ESYT2: variants seen among roughly 807,000 people sequenced by gnomAD.
ESYT2 encodes extended synaptotagmin-2.
In ESYT2, 54 loss-of-function variants were observed where a neutral mutation model predicts 107.2. That is an observed-to-expected ratio of 0.50 (90% CI 0.40 to 0.63). The LOEUF (loss-of-function observed/expected upper bound fraction) is 0.63. ESYT2 is among the 30% of genes least tolerant of loss of function. ESYT2 has a pLI of 0.00. For missense variants in ESYT2, 1,020 were observed against 1,094.5 expected, an observed-to-expected ratio of 0.93 and a Z score of 0.96; for synonymous variants, 491 against 434.1, an observed-to-expected ratio of 1.13 and a Z score of -1.63.
Position 158,732,556 on chromosome 7 carries a change from G to A in ESYT2, c.*1651C>T, listed in dbSNP as rs1019105094. 6.6e-5 allele frequency: 10 copies of A among 152,414 alleles called. No individual in the cohort carries two copies. Among genetic ancestry groups the A allele is most frequent in the African/African-American group, 2.4e-4 (10 of 41,460 alleles). 9.4% of individuals were successfully genotyped at this position (152,414 alleles called of 1,614,324 possible). On this transcript the variant is annotated 3_prime_UTR_variant, in exon 23 of 23. Transcript: ENST00000275418. ...TATAAGTAAACCCATGGTTCAAAGT[G>A]TAAGTTATAAATTGAAACAAAATCA...
intron 1 of ESYT2, among the ~76,000 whole-genome samples, chr7:158,806,783 A>G (rs952848250): frequency 6.6e-6 from 1 of 152,222 alleles, no homozygotes; most frequent in Non-Finnish European, 1.5e-5. Flanking sequence ...AATGAGTCCA[A>G]GAATAGGAAA....
chr7:158,746,384 C>T (rs961364202), intron 16 of ESYT2, among the ~76,000 whole-genome samples: 1 of 152,000 alleles, frequency 6.6e-6, no homozygotes, highest in Non-Finnish European at 1.5e-5. Context: ...GTGGTGTGCA[C>T]CTCTAGTCCC....
At chr7:158,793,167 G>A (rs532956358) in intron 4 of ESYT2, among the ~76,000 whole-genome samples, 2 of 152,062 alleles carry the variant, frequency 1.3e-5, no homozygotes, top group Admixed American at 6.6e-5. Context: ...ATCATGAAAG[G>A]GTATTGAATT....
chr7:158,732,080 C>G lies in ESYT2; in HGVS notation c.*2127G>C, dbSNP rs3763407. 4.6e-5 allele frequency: 7 copies of G among 152,360 alleles called. No individual in the cohort carries two copies. In the East Asian group the frequency reaches 1.4e-3, roughly 29 times the overall value. 9.4% of individuals were successfully genotyped at this position (152,360 alleles called of 1,614,324 possible). On this transcript the variant is annotated 3_prime_UTR_variant, in exon 23 of 23. Transcript: ENST00000275418. ...CTGGGCTTTGTACCTTTAATTGTGT[C>G]TACTCTGCCTAAGTGCTTAAATAAA...
chr7:158,798,896 TG>T (rs879524153), intron 2 of ESYT2, 134 bp downstream of exon 2: 185 of 730,100 alleles, frequency 2.5e-4, no homozygotes, highest in Non-Finnish European at 3.8e-4. Context: ...CTGAGGTCTT[TG>T]GGGACCAGAA....
intron 3 of ESYT2, among the ~76,000 whole-genome samples, chr7:158,794,009 A>G (rs1193953793): frequency 2.6e-5 from 4 of 152,266 alleles, no homozygotes; most frequent in Non-Finnish European, 5.9e-5. Flanking sequence ...CCTTGCCCAC[A>G]GCAGTTAATA....
At chr7:158,808,565 C>T (rs555622978) in intron 1 of ESYT2, among the ~76,000 whole-genome samples, 7 of 152,280 alleles carry the variant, frequency 4.6e-5, no homozygotes, top group African/African-American at 1.2e-4. Flanking sequence ...GATGTAAGAA[C>T]GAATCTTCCA....
intron 1 of ESYT2, among the ~76,000 whole-genome samples, chr7:158,822,449 G>C (rs1240154821): frequency 6.6e-6 from 1 of 152,088 alleles, no homozygotes; most frequent in Non-Finnish European, 1.5e-5. Flanking sequence ...AGCCAATATA[G>C]TATAGCATCC....
chr7:158,773,444 T>G, intron 6 of ESYT2, 48 bp from the exon 7 acceptor site: 1 of 1,600,830 alleles, frequency 6.2e-7, no homozygotes, highest in Non-Finnish European at 8.6e-7. Context: ...AATTTCCAAT[T>G]ATTGAATCAG....
intron 6 of ESYT2, among the ~76,000 whole-genome samples, chr7:158,778,458 T>TAA (rs199845668): frequency 1.0e-3 from 125 of 125,558 alleles, no homozygotes; most frequent in African/African-American, 3.3e-3. Context: ...GATAAAAATG[T>TAA]AAAAAAAAAA....
chr7:158,820,062 T>C (rs1840248478), intron 1 of ESYT2, among the ~76,000 whole-genome samples: 1 of 152,220 alleles, frequency 6.6e-6, no homozygotes, highest in East Asian at 1.9e-4. Context: ...GATACTTTCA[T>C]CTAGACACTG....
At chr7:158,804,861 A>T (rs554016752) in intron 1 of ESYT2, among the ~76,000 whole-genome samples, 88 of 152,362 alleles carry the variant, frequency 5.8e-4, no homozygotes, top group Admixed American at 5.8e-3. Context: ...CCAAGGCCTC[A>T]TTCAGTGCTT....
At chr7:158,781,225 AGGT>A (rs1838781339) in intron 6 of ESYT2, among the ~76,000 whole-genome samples, 1 of 151,958 alleles carries the variant, frequency 6.6e-6, no homozygotes, top group Non-Finnish European at 1.5e-5. Context: ...GAACAGTGTG[AGGT>A]GTGTGTAAGA....
chr7:158,781,457 A>T (rs999558302), intron 6 of ESYT2, among the ~76,000 whole-genome samples: 1 of 150,700 alleles, frequency 6.6e-6, no homozygotes, highest in South Asian at 2.1e-4. Flanking sequence ...AGTGATTGTG[A>T]GAACAAAGTG....
chr7:158,780,816 T>C (rs1347300553), intron 6 of ESYT2, among the ~76,000 whole-genome samples: 1 of 152,214 alleles, frequency 6.6e-6, no homozygotes, highest in Non-Finnish European at 1.5e-5. Context: ...GGTCCCCATG[T>C]TCAAGGCACT....
In ESYT2 at chr7:158,731,877, G is replaced by A. The variant is rs890488252; in HGVS notation, c.*2330C>T. On this transcript the variant is annotated 3_prime_UTR_variant, in exon 23 of 23. Transcript: ENST00000275418. ...TGGAGTGCTGAGTGTGGCCTCGATG[G>A]TGGCTTCACTCCTCCACATCTGGGA... The A allele has an allele frequency of 2.0e-5, 3 of 152,526 alleles. No individual in the cohort carries two copies. Among genetic ancestry groups the A allele is most frequent in the African/African-American group, 4.8e-5 (2 of 41,404 alleles). 9.4% of individuals were successfully genotyped at this position (152,526 alleles called of 1,614,324 possible). A position where few individuals can be genotyped will look rare whatever the true frequency, so the allele number is the denominator to read the frequency against.
rs192916385 is a variant in ESYT2, at chr7:158,775,173, C to T, written c.748-1777G>A. 3.3e-5 allele frequency among the ~76,000 whole-genome samples: 5 copies of T among 152,208 alleles called. No individual in the cohort carries two copies. The East Asian group carries it at 5.8e-4, about 18-fold the overall frequency. ...TTATATCTTTTTAAAAATGTACATA[C>T]CTTTATTTTAAAACATTTTATTGCT... On this transcript the variant is annotated intron_variant, in intron 6 of 22. Transcript: ENST00000275418.
In ESYT2 at chr7:158,829,229, G is replaced by A. The variant is rs1424066203; in HGVS notation, c.190C>T (p.Leu64Phe). The A allele has an allele frequency of 1.3e-6, 2 of 1,528,874 alleles. No individual in the cohort carries two copies. The highest frequency in any genetic ancestry group is 1.4e-5 in the African/African-American group (1 of 70,876). 94.7% of individuals were successfully genotyped at this position (1,528,874 alleles called of 1,614,324 possible). A position where few individuals can be genotyped will look rare whatever the true frequency, so the allele number is the denominator to read the frequency against. Reference sequence around the variant, plus strand: ...CAGGCGAGCAGCGCGAGCGCGAGGAGAACCCAGCTGAAGCTGAGCCCCAGG... The same window carrying A: ...CAGGCGAGCAGCGCGAGCGCGAGGAAAACCCAGCTGAAGCTGAGCCCCAGG... ...GYLGLSFSWV[L>F]LALALLAWCR... is the part of the protein sequence containing the mutation. The change falls in exon 1 of 23, where the codon CTC becomes TTC. Residue 64 changes from leucine to phenylalanine, a missense_variant. Physicochemically the swap from Leu to Phe is conservative, Grantham distance 22. Coordinates refer to ENST00000275418, the MANE Select transcript of ESYT2 (RefSeq NM_001367773.1).
At chr7:158,825,020 C>T (rs1285491479) in intron 1 of ESYT2, among the ~76,000 whole-genome samples, 1 of 152,146 alleles carries the variant, frequency 6.6e-6, no homozygotes, top group Non-Finnish European at 1.5e-5. Flanking sequence ...AGGCTGGGCG[C>T]GGTGGTTCAT....
Sources: gnomAD v4.1 joint callset for allele counts (sites outside exome capture counted in the v4.1 genomes callset) on GRCh38, gnomAD v4.1.1 for gene constraint, MANE v1.5 for transcripts, NCBI Gene and HGNC (gene_info 2026-07-23, HGNC 2026-07-21) for gene names.